Variants in SHISA6 observed in about 807,000 individuals in gnomAD.
SHISA6 encodes protein shisa-6.
In SHISA6, 22 loss-of-function variants were observed where a neutral mutation model predicts 47.9. That is an observed-to-expected ratio of 0.46 (90% confidence interval 0.33 to 0.66). The LOEUF is 0.66. Among genes scored for constraint, SHISA6 ranks in the 30% least tolerant of loss-of-function variants. The pLI is 0.02. For missense variants in SHISA6, 680 were observed against 764.6 expected, an observed-to-expected ratio of 0.89 and a Z score of 1.30; for synonymous variants, 388 against 337.8, an observed-to-expected ratio of 1.15 and a Z score of -1.63.
At chr17:11,315,397 C>T (rs1377912939) in intron 2 of SHISA6, among the ~76,000 whole-genome samples, 1 of 151,984 alleles carries the variant, frequency 6.6e-6, no homozygotes, top group Non-Finnish European at 1.5e-5. Context: ...ACAGCTATGC[C>T]TCTTCTATTT....
At chr17:11,340,112 T>C (rs905731524) in intron 2 of SHISA6, among the ~76,000 whole-genome samples, 5 of 152,216 alleles carry the variant, frequency 3.3e-5, no homozygotes, top group Non-Finnish European at 7.3e-5. Context: ...TGAGAGCACA[T>C]GAATTCTCAG....
In SHISA6 at chr17:11,520,979, CCT is replaced by C. The variant is rs1248114682; in HGVS notation, c.896-30916_896-30915del. Among the ~76,000 whole-genome samples the C allele has an allele frequency of 6.6e-5, 10 of 152,224 alleles. No homozygotes were observed. The East Asian group carries it at 1.4e-3, about 21-fold the overall frequency. Reference sequence around the variant, plus strand: ...GTTCACCACTGTATTTGTAGAAACCCCTGAGAGAGTTTTCACCTGGGACAATG... The same window carrying C: ...GTTCACCACTGTATTTGTAGAAACCCGAGAGAGTTTTCACCTGGGACAATG... On this transcript the variant is annotated intron_variant, in intron 3 of 5. Coordinates refer to ENST00000441885, the MANE Select transcript of SHISA6 (RefSeq NM_207386.4).
At chr17:11,381,105 C>T (rs1209481991) in intron 3 of SHISA6, among the ~76,000 whole-genome samples, 1 of 152,134 alleles carries the variant, frequency 6.6e-6, no homozygotes, top group Non-Finnish European at 1.5e-5. Flanking sequence ...CGGAGGCCAG[C>T]TACCACAAGC....
At chr17:11,419,725 A>G (rs1914398087) in intron 3 of SHISA6, among the ~76,000 whole-genome samples, 1 of 152,250 alleles carries the variant, frequency 6.6e-6, no homozygotes, top group Admixed American at 6.5e-5. Flanking sequence ...GGGAGGGGGT[A>G]CAGAATAATA....
chr17:11,465,284 T>C (rs1177586963), intron 3 of SHISA6, among the ~76,000 whole-genome samples: 1 of 152,190 alleles, frequency 6.6e-6, no homozygotes, highest in African/African-American at 2.4e-5. Context: ...CTATAGCAAT[T>C]GTGTCTTTTA....
At chr17:11,482,396 G>C (rs2142331547) in intron 3 of SHISA6, among the ~76,000 whole-genome samples, 1 of 152,280 alleles carries the variant, frequency 6.6e-6, no homozygotes, top group East Asian at 1.9e-4. Flanking sequence ...ACAGTGGAGG[G>C]GAAGGTTCTG....
chr17:11,400,257 A>C (rs928168218), intron 3 of SHISA6, among the ~76,000 whole-genome samples: 1 of 152,170 alleles, frequency 6.6e-6, no homozygotes, highest in Non-Finnish European at 1.5e-5. Context: ...GGAAAGGGAG[A>C]AACTGACGTT....
intron 2 of SHISA6, among the ~76,000 whole-genome samples, chr17:11,352,926 A>G (rs1394079586): frequency 2.6e-5 from 4 of 152,206 alleles, no homozygotes; most frequent in Non-Finnish European, 1.5e-5. Flanking sequence ...AACAGTGGAC[A>G]GTTCTTAATC....
intron 5 of SHISA6, 65 bp downstream of exon 5, chr17:11,555,957 A>C (rs1250852605): frequency 2.3e-5 from 34 of 1,456,172 alleles, no homozygotes; most frequent in Non-Finnish European, 3.0e-5. Flanking sequence ...CCTATGTCAC[A>C]CTCTCTTGCT....
At chr17:11,383,909 T>C (rs73282848) in intron 3 of SHISA6, among the ~76,000 whole-genome samples, 14,645 of 152,166 alleles carry the variant, frequency 0.096, 1,535 homozygotes, top group African/African-American at 0.25. Context: ...GAACCCAGAA[T>C]GGTCTTTAGC....
intron 3 of SHISA6, among the ~76,000 whole-genome samples, chr17:11,444,151 G>A (rs1211908036): frequency 1.3e-5 from 2 of 151,726 alleles, no homozygotes; most frequent in Non-Finnish European, 1.5e-5. Flanking sequence ...AAACCCCATC[G>A]CTACTAAAAA....
intron 3 of SHISA6, among the ~76,000 whole-genome samples, chr17:11,517,691 C>T (rs569360288): frequency 4.6e-5 from 7 of 152,100 alleles, no homozygotes; most frequent in South Asian, 2.1e-4. Context: ...TTGGTAGAGA[C>T]GGGGGTCTTG....
At chr17:11,374,867 A>G (rs1426377032) in intron 2 of SHISA6, among the ~76,000 whole-genome samples, 3 of 152,022 alleles carry the variant, frequency 2.0e-5, no homozygotes, top group Non-Finnish European at 4.4e-5. Context: ...TGTAACATAT[A>G]TAATATGAAA....
intron 2 of SHISA6, among the ~76,000 whole-genome samples, chr17:11,308,981 T>C (rs1395208120): frequency 6.6e-6 from 1 of 152,122 alleles, no homozygotes; most frequent in Admixed American, 6.5e-5. Flanking sequence ...TAAATTTTTT[T>C]TGAGACAGGG....
chr17:11,260,992 T>C (rs1208411373), intron 1 of SHISA6, among the ~76,000 whole-genome samples: 1 of 152,138 alleles, frequency 6.6e-6, no homozygotes, highest in Non-Finnish European at 1.5e-5. Flanking sequence ...CCTTAACCCA[T>C]TTCCTCCGGC....
intron 2 of SHISA6, among the ~76,000 whole-genome samples, chr17:11,282,405 T>C (rs931559936): frequency 3.3e-5 from 5 of 152,202 alleles, no homozygotes; most frequent in South Asian, 2.1e-4. Flanking sequence ...TTTCTTCTTT[T>C]TTTTTTTTAA....
At chr17:11,251,495 G>C (rs1367450997) in intron 1 of SHISA6, among the ~76,000 whole-genome samples, 1 of 152,120 alleles carries the variant, frequency 6.6e-6, no homozygotes, top group Non-Finnish European at 1.5e-5. Context: ...GAGCAGTGAC[G>C]GGAGCTTGGG....
chr17:11,498,779 G>A (rs894435778), intron 3 of SHISA6, among the ~76,000 whole-genome samples: 3 of 152,170 alleles, frequency 2.0e-5, no homozygotes, highest in African/African-American at 2.4e-5. Flanking sequence ...CAGCTCAAAC[G>A]TGTAATAAAG....
intron 3 of SHISA6, among the ~76,000 whole-genome samples, chr17:11,490,178 C>T (rs1290083701): frequency 3.3e-5 from 5 of 152,162 alleles, no homozygotes; most frequent in Admixed American, 1.3e-4. Context: ...GGCCTGCGCT[C>T]ATAGTTCCTG....
Sources: allele counts gnomAD v4.1 joint callset (sites outside exome capture counted in the v4.1 genomes callset), GRCh38; gene constraint gnomAD v4.1.1; transcripts MANE v1.5; gene names NCBI Gene and HGNC (gene_info 2026-07-23, HGNC 2026-07-21).